TRMT9B: variants seen among roughly 807,000 people sequenced by gnomAD.
TRMT9B encodes tRNA methyltransferase 9B (putative).
Under a neutral mutation model 11.5 loss-of-function variants are expected in TRMT9B, and 16 were observed. The observed-to-expected ratio is 1.39, with a 90% CI of 0.94 to 2.11. The LOEUF (loss-of-function observed/expected upper bound fraction) is 2.11, where lower values mean the gene tolerates loss of function less well. TRMT9B is among the 30% of genes most tolerant of loss of function. The pLI, the probability that TRMT9B is intolerant of heterozygous loss-of-function variation, is 0.00. For missense variants in TRMT9B, 941 were observed against 553.8 expected (o/e 1.70, Z -7.02); for synonymous variants, 274 against 192.4 (o/e 1.42, Z -3.51).
At chr8:12,961,934 C>A (rs918783496) in intron 1 of TRMT9B, 1 of 152,274 alleles carries the variant, frequency 6.6e-6, no homozygotes, top group Admixed American at 6.5e-5. Context: ...TCTCAGCAGA[C>A]CACTTCCTTG....
intron 1 of TRMT9B, among the ~76,000 whole-genome samples, chr8:12,976,914 G>A (rs894057159): frequency 1.3e-5 from 2 of 152,082 alleles, no homozygotes; most frequent in Non-Finnish European, 2.9e-5. Context: ...AGGGAGTTGG[G>A]GTAATACATT....
At chr8:12,989,552 A>T (rs1806963565) in intron 1 of TRMT9B, among the ~76,000 whole-genome samples, 1 of 152,040 alleles carries the variant, frequency 6.6e-6, no homozygotes, top group Non-Finnish European at 1.5e-5. Flanking sequence ...ACTCTTACTG[A>T]TGGGGGCGTT....
chr8:12,946,857 T>C (rs1800291674), intron 1 of TRMT9B, among the ~76,000 whole-genome samples: 2 of 152,154 alleles, frequency 1.3e-5, no homozygotes, highest in South Asian at 4.1e-4. Context: ...ACCATCCTAT[T>C]CCCAATGCCA....
At chr8:12,986,750 C>T (rs1276430310) in intron 1 of TRMT9B, among the ~76,000 whole-genome samples, 1 of 152,220 alleles carries the variant, frequency 6.6e-6, no homozygotes, top group Admixed American at 6.5e-5. Context: ...TCATCTTCAG[C>T]ATGTTCCCTG....
At chr8:12,995,895 G>A (rs1808251728) in intron 2 of TRMT9B, among the ~76,000 whole-genome samples, 1 of 152,168 alleles carries the variant, frequency 6.6e-6, no homozygotes, top group African/African-American at 2.4e-5. Flanking sequence ...CACATAAACA[G>A]TAGACTAAAT....
rs373280830 is a variant in TRMT9B at position 12,966,262 on chromosome 8, G to A, written c.-200+20296G>A. ...CACTCCAGCCTCGGTGACAGAGTGA[G>A]ACCTTGTCTCTGTGCTCAGGGTGTG... is the stretch of plus-strand genomic sequence containing the variant. On this transcript the variant is annotated intron_variant, in intron 1 of 4. Coordinates refer to ENST00000524591, the MANE Select transcript of TRMT9B (RefSeq NM_020844.3). 1.1e-3 allele frequency among the ~76,000 whole-genome samples: 167 copies of A among 152,278 alleles called. 1 individual carries two copies. Among genetic ancestry groups the A allele is most frequent in the African/African-American group, 3.8e-3 (159 of 41,558 alleles).
rs372236971 is a variant in TRMT9B, at chr8:13,021,639, C to G, written c.960C>G (p.His320Gln). ...EVFVESSSGK[H>Q]LEWLRAPGTL... ...TTGTGGAATCTTCTTCTGGAAAACA[C>G]TTGGAGTGGCTGAGAGCACCAGGCA... is the stretch of plus-strand genomic sequence containing the variant. Residue 320 changes from histidine to glutamine, a missense_variant, in exon 5 of 5, where the codon CAC (histidine) becomes CAG (glutamine). By Grantham distance (24) the His-to-Gln change is conservative. Coordinates refer to ENST00000524591, the MANE Select transcript of TRMT9B (RefSeq NM_020844.3). 64 of 1,613,790 alleles carry G rather than the reference C, an allele frequency of 4.0e-5. No individual in the cohort carries two copies. Among genetic ancestry groups the G allele is most frequent in the Non-Finnish European group, 4.9e-5 (58 of 1,179,770 alleles).
rs1389760241 is a variant in TRMT9B at position 13,027,837 on chromosome 8, G to T, written c.*5793G>T. On this transcript the variant is annotated 3_prime_UTR_variant, in exon 5 of 5. Transcript: ENST00000524591. ...AGCATTAACAGACCCTCCACCAACCGTAATGCTTAACTCCTCTTGTTCCAA... is the reference window on the plus strand; with the variant it reads ...AGCATTAACAGACCCTCCACCAACCTTAATGCTTAACTCCTCTTGTTCCAA... The T allele has an allele frequency of 1.8e-5, 3 of 167,012 alleles. No homozygotes were observed. The highest frequency in any genetic ancestry group is 4.4e-5 in the Non-Finnish European group (3 of 68,104). The allele number at this position is 167,012 out of a possible 1,614,324, so 10.3% of individuals were successfully genotyped here.
At chr8:12,951,147 C>T (rs1800572630) in intron 1 of TRMT9B, among the ~76,000 whole-genome samples, 2 of 152,128 alleles carry the variant, frequency 1.3e-5, no homozygotes. Context: ...CTAAGTTCCA[C>T]CCCGCCTTCT....
At position 13,026,039 on chromosome 8, in the gene TRMT9B, G is replaced by A. The variant is rs1339237371; in HGVS notation, c.*3995G>A. On this transcript the variant is annotated 3_prime_UTR_variant, in exon 5 of 5. Transcript: ENST00000524591. ...AATACATATATACGAGTTTGGAGGA[G>A]AACAGAAGTTCTAACTCAGTACTTG... 1.8e-5 allele frequency: 3 copies of A among 167,012 alleles called. No homozygotes were observed. The highest frequency in any genetic ancestry group is 4.4e-5 in the Non-Finnish European group (3 of 68,116). The allele number at this position is 167,012 out of a possible 1,614,324, so 10.3% of individuals were successfully genotyped here.
intron 1 of TRMT9B, among the ~76,000 whole-genome samples, chr8:12,983,631 C>G (rs2128874449): frequency 6.6e-6 from 1 of 152,308 alleles, no homozygotes; most frequent in East Asian, 1.9e-4. Flanking sequence ...GATGGTGTCA[C>G]TGCACTCTAG....
chr8:12,947,903 C>T (rs539546509), intron 1 of TRMT9B, among the ~76,000 whole-genome samples: 4 of 152,242 alleles, frequency 2.6e-5, no homozygotes, highest in Admixed American at 6.5e-5. Context: ...CTGCCTTGCT[C>T]AGAAACAGGC....
chr8:12,987,448 C>T (rs1806515439), intron 1 of TRMT9B, among the ~76,000 whole-genome samples: 1 of 152,128 alleles, frequency 6.6e-6, no homozygotes, highest in Admixed American at 6.6e-5. Flanking sequence ...CCCAGCATTT[C>T]AGGAGGCCAA....
chr8:13,021,464 G>T lies in TRMT9B; in HGVS notation c.785G>T (p.Arg262Met). 1 of 1,614,032 alleles carries T rather than the reference G, an allele frequency of 6.2e-7. No homozygotes were observed. Among genetic ancestry groups the T allele is most frequent in the Non-Finnish European group, 8.5e-7 (1 of 1,179,892 alleles). ...FSRSLDESTL[R>M]KQIERVRPLK... The stretch of plus-strand genomic sequence containing the variant: ...AGATCTTTGGATGAATCGACTCTGA[G>T]GAAGCAAATTGAAAGAGTAAGACCC... The change falls in exon 5 of 5, where the codon AGG becomes ATG. Residue 262 changes from arginine (R) to methionine (M), a missense_variant. By Grantham distance (91) the Arg-to-Met change is moderately conservative (BLOSUM62 -1). Transcript: ENST00000524591.
rs766597096 is a variant in TRMT9B at position 13,021,300 on chromosome 8, T to A, written c.621T>A (p.Cys207Ter). ...GTTCTGTTTGTTTTAAAGAGCAGTG[T>A]GGTTCAAAACGGTCCCACAGCGTGG... ...CSCSVCFKEQ[C>*]GSKRSHSVGY... Residue 207 changes from cysteine to a stop codon, truncating the protein, a stop_gained, in exon 5 of 5, where the codon TGT becomes TGA. Transcript: ENST00000524591. LOFTEE classifies it low-confidence loss of function (END_TRUNC). 6.2e-7 allele frequency: 1 copy of A among 1,614,002 alleles called. No homozygotes were observed. The highest frequency in any genetic ancestry group is 1.7e-5 in the Admixed American group (1 of 60,024).
At chr8:12,996,501 G>A (rs1226710307) in intron 2 of TRMT9B, among the ~76,000 whole-genome samples, 1 of 152,158 alleles carries the variant, frequency 6.6e-6, no homozygotes, top group African/African-American at 2.4e-5. Context: ...CTTATTGAAT[G>A]GGGATACTGC....
intron 3 of TRMT9B, chr8:13,010,842 T>C (rs1348896804): frequency 2.0e-6 from 2 of 981,940 alleles, no homozygotes; most frequent in African/African-American, 3.5e-5. Flanking sequence ...TTGTGAATTA[T>C]ATTTTCCCCA....
At chr8:12,996,360 G>C (rs1276388130) in intron 2 of TRMT9B, among the ~76,000 whole-genome samples, 1 of 152,126 alleles carries the variant, frequency 6.6e-6, no homozygotes, top group Non-Finnish European at 1.5e-5. Flanking sequence ...GGAGCAAATG[G>C]ACTCTATTCT....
At chr8:13,005,593 T>C (rs893282020) in intron 2 of TRMT9B, among the ~76,000 whole-genome samples, 1 of 152,000 alleles carries the variant, frequency 6.6e-6, no homozygotes, top group Non-Finnish European at 1.5e-5. Context: ...AATAAATAAA[T>C]AAGAAGCAAC....
Sources: allele counts gnomAD v4.1 joint callset (sites outside exome capture counted in the v4.1 genomes callset), GRCh38; gene constraint gnomAD v4.1.1; transcripts MANE v1.5; gene names NCBI Gene and HGNC (gene_info 2026-07-23, HGNC 2026-07-21).